Variants in LARGE1 observed in about 807,000 individuals in gnomAD.
LARGE1 encodes LARGE xylosyl- and glucuronyltransferase 1.
LARGE1 carries 43 observed loss-of-function variants against 87.6 expected under a neutral mutation model. The observed-to-expected ratio is 0.49, with a 90% CI of 0.38 to 0.63. The LOEUF is 0.63. Among genes scored for constraint, LARGE1 ranks in the 30% least tolerant of loss-of-function variants. The pLI is 0.00. For missense variants in LARGE1, 802 were observed against 1,000.2 expected (o/e 0.80, Z 2.67); for synonymous variants, 434 against 394.6 (o/e 1.10, Z -1.18).
chr22:33,278,847 G>C (rs1157658771), intron 13 of LARGE1, among the ~76,000 whole-genome samples: 1 of 152,140 alleles, frequency 6.6e-6, no homozygotes, highest in Non-Finnish European at 1.5e-5. Context: ...AGCCTCCCAA[G>C]TGGCTAGGAC....
At chr22:33,171,001 G>A (rs1213400474) in intron 11 of LARGE1, among the ~76,000 whole-genome samples, 2 of 152,200 alleles carry the variant, frequency 1.3e-5, no homozygotes, top group Non-Finnish European at 2.9e-5. Flanking sequence ...ATAAAGTCCA[G>A]GCTGAGGTGG....
intron 6 of LARGE1, among the ~76,000 whole-genome samples, chr22:33,459,383 G>C (rs896822891): frequency 1.3e-5 from 2 of 150,996 alleles, no homozygotes; most frequent in South Asian, 2.1e-4. Context: ...GATCCACCGT[G>C]AAAGTCTTTT....
intron 2 of LARGE1, among the ~76,000 whole-genome samples, chr22:33,729,405 A>T (rs2083383046): frequency 6.6e-6 from 1 of 152,228 alleles, no homozygotes; most frequent in Non-Finnish European, 1.5e-5. Context: ...AAATGGGTTA[A>T]GCTTCAGCCT....
chr22:33,778,953 G>T (rs2085333887), intron 1 of LARGE1, among the ~76,000 whole-genome samples: 1 of 152,098 alleles, frequency 6.6e-6, no homozygotes, highest in South Asian at 2.1e-4. Context: ...ACCCAGCCTA[G>T]CATCCTGTTT....
chr22:33,554,070 T>TCA (rs1239151272), intron 6 of LARGE1, among the ~76,000 whole-genome samples: 2 of 152,092 alleles, frequency 1.3e-5, no homozygotes, highest in African/African-American at 4.8e-5. Flanking sequence ...TGAACATCAT[T>TCA]CACTGGGTGT....
At position 33,748,440 on chromosome 22, in the gene LARGE1, C is replaced by A. The variant is rs1295797505; in HGVS notation, c.106+12931G>T. On this transcript the variant is annotated intron_variant, in intron 2 of 14. Coordinates refer to ENST00000397394, the MANE Select transcript of LARGE1 (RefSeq NM_133642.5). ...TCAACTCTGTTGACTCCTTGAGCGA[C>A]CTGTTGCTTCCAGAAGTACAGTCAA... 2.0e-5 allele frequency among the ~76,000 whole-genome samples: 3 copies of A among 152,284 alleles called. No homozygotes were observed. The East Asian group carries it at 5.8e-4, about 29-fold the overall frequency.
intron 1 of LARGE1, among the ~76,000 whole-genome samples, chr22:33,844,864 G>A (rs2063385159): frequency 6.6e-6 from 1 of 152,020 alleles, no homozygotes; most frequent in East Asian, 1.9e-4. Context: ...GAGATTACAG[G>A]CACGCACCAC....
intron 2 of LARGE1, among the ~76,000 whole-genome samples, chr22:33,720,605 T>C (rs1184841906): frequency 6.6e-6 from 1 of 152,244 alleles, no homozygotes; most frequent in African/African-American, 2.4e-5. Context: ...TTGTTTTCTT[T>C]ACTGAGAGTG....
At chr22:33,186,608 A>AT (rs201022242) in intron 11 of LARGE1, among the ~76,000 whole-genome samples, 1,610 of 152,312 alleles carry the variant, frequency 0.011, 16 homozygotes, top group Middle Eastern at 0.02. Context: ...GACCACTCTT[A>AT]TTACTTCTAC....
At chr22:33,573,587 G>T (rs1056322773) in intron 5 of LARGE1, among the ~76,000 whole-genome samples, 1 of 152,144 alleles carries the variant, frequency 6.6e-6, no homozygotes, top group African/African-American at 2.4e-5. Flanking sequence ...GAGGGACCAG[G>T]GTCCATGATG....
rs1052517683 is a variant in LARGE1, at chr22:33,813,448, T to C, written c.-82-51890A>G. Among the ~76,000 whole-genome samples, 6 of 152,012 alleles carry C rather than the reference T, an allele frequency of 3.9e-5. No homozygotes were observed. In the East Asian group the frequency reaches 1.2e-3, roughly 29 times the overall value. ...GCAATGTCCCACACACACATCTTGGTGGAGGACAGATGTGTCTGACATCTG... is the reference window on the plus strand; with the variant it reads ...GCAATGTCCCACACACACATCTTGGCGGAGGACAGATGTGTCTGACATCTG... On this transcript the variant is annotated intron_variant, in intron 1 of 14. Transcript: ENST00000397394.
At chr22:33,412,276 C>A (rs1378625069) in intron 7 of LARGE1, among the ~76,000 whole-genome samples, 1 of 150,942 alleles carries the variant, frequency 6.6e-6, no homozygotes, top group African/African-American at 2.5e-5. Context: ...AAGAGTGAGA[C>A]TCCATCTCAA....
chr22:33,074,648 C>A, the LARGE1 span, among the ~76,000 whole-genome samples: 46,300 of 152,032 alleles, frequency 0.3, 7,544 homozygotes, highest in Admixed American at 0.38. Context: ...GCACTCCAGC[C>A]TGGGCGACAG....
intron 6 of LARGE1, among the ~76,000 whole-genome samples, chr22:33,457,476 C>T (rs1417915406): frequency 6.6e-6 from 1 of 151,520 alleles, no homozygotes; most frequent in Non-Finnish European, 1.5e-5. Flanking sequence ...TTTCTTAATT[C>T]AATAAACATT....
rs1291054789 is a variant in LARGE1 at position 33,200,961 on chromosome 22, A to G, written c.1731-34129T>C. 3.3e-5 allele frequency among the ~76,000 whole-genome samples: 5 copies of G among 152,198 alleles called. No individual in the cohort carries two copies. The East Asian group carries it at 9.6e-4, about 29-fold the overall frequency. On this transcript the variant is annotated intron_variant, in intron 11 of 11. Transcript: ENST00000608642. ...ACATCAAAGAGGTGATTTTTCTGGTATAAGAATTATCTCAATGTTTTTTAA... is the reference window on the plus strand; with the variant it reads ...ACATCAAAGAGGTGATTTTTCTGGTGTAAGAATTATCTCAATGTTTTTTAA...
chr22:33,654,144 G>A (rs1324171283), intron 2 of LARGE1, among the ~76,000 whole-genome samples: 2 of 152,074 alleles, frequency 1.3e-5, no homozygotes, highest in African/African-American at 4.8e-5. Context: ...ACTTTTAAAA[G>A]CCCTATAGAT....
chr22:33,831,742 A>G (rs2062975426), intron 1 of LARGE1, among the ~76,000 whole-genome samples: 1 of 146,580 alleles, frequency 6.8e-6, no homozygotes, highest in Non-Finnish European at 1.5e-5. Flanking sequence ...ACACACACAC[A>G]TGCATGTACA....
chr22:33,300,598 T>C (rs1476565664), intron 12 of LARGE1, among the ~76,000 whole-genome samples: 2 of 152,152 alleles, frequency 1.3e-5, no homozygotes, highest in Non-Finnish European at 2.9e-5. Flanking sequence ...TGGAGTGCAG[T>C]GGTGCGATGT....
intron 2 of LARGE1, among the ~76,000 whole-genome samples, chr22:33,703,483 A>C (rs1008521310): frequency 6.6e-6 from 1 of 152,262 alleles, no homozygotes; most frequent in African/African-American, 2.4e-5. Flanking sequence ...ATAACAAAAA[A>C]GGACTTTGTA....
Sources: gnomAD v4.1 joint callset for allele counts (sites outside exome capture counted in the v4.1 genomes callset) on GRCh38, gnomAD v4.1.1 for gene constraint, MANE v1.5 for transcripts, NCBI Gene and HGNC (gene_info 2026-07-23, HGNC 2026-07-21) for gene names.